The following PELI1 variants were observed in gnomAD, a reference collection of about 807,000 sequenced individuals.
PELI1 encodes pellino E3 ubiquitin protein ligase 1.
PELI1 carries 15 observed loss-of-function variants against 41.3 expected under a neutral mutation model. The ratio of observed to expected loss-of-function variants is 0.36; its 90% CI spans 0.24 to 0.56. The LOEUF (loss-of-function observed/expected upper bound fraction) is 0.56. PELI1 is among the 20% of genes least tolerant of loss of function. PELI1 has a pLI of 0.82. For synonymous variants in PELI1, 178 were observed against 180.1 expected (o/e 0.99, Z 0.09); for missense variants, 403 against 525.5 (o/e 0.77, Z 2.28).
Position 64,104,666 on chromosome 2 carries a change from A to G in PELI1, c.201+35T>C, listed in dbSNP as rs756895534. The G allele has an allele frequency of 2.6e-6, 4 of 1,539,746 alleles. 1 individual carries two copies. In the South Asian group the frequency reaches 3.8e-5, roughly 15 times the overall value. ...ACATAAAAGTCTTTCAAATTCTCCA[A>G]GTTAATTTATGTAGCTTTTTTTTTT... On this transcript the variant is annotated intron_variant, in intron 3 of 6. Coordinates refer to ENST00000358912, the MANE Select transcript of PELI1 (RefSeq NM_020651.4).
chr2:64,118,303 C>G (rs1022790144), intron 1 of PELI1, among the ~76,000 whole-genome samples: 3 of 152,122 alleles, frequency 2.0e-5, no homozygotes, highest in Non-Finnish European at 4.4e-5. Context: ...GAACAACTTT[C>G]TCCCCAAAAT....
In PELI1 at chr2:64,094,804, A is replaced by G. The variant is rs1284366737; in HGVS notation, c.1155T>C (p.Pro385=). 1 of 1,614,188 alleles carries G rather than the reference A, an allele frequency of 6.2e-7. No individual in the cohort carries two copies. ...TTAYWSQIPL[P]HGTHTFHAAC... ...CTGCATGAAAAGTATGAGTACCATG[A>G]GGAAGTGGGATCTGGGACCAATAGG... is the stretch of plus-strand genomic sequence containing the variant. The change falls in exon 7 of 7, where the codon CCT becomes CCC. Residue 385 remains proline, a synonymous_variant. Transcript: ENST00000358912.
intron 1 of PELI1, among the ~76,000 whole-genome samples, chr2:64,117,701 T>C (rs1421611240): frequency 7.2e-5 from 11 of 152,338 alleles, no homozygotes; most frequent in Non-Finnish European, 2.9e-5. Flanking sequence ...ATTACTACTC[T>C]AATGAAAAAA....
At chr2:64,127,103 A>T (rs1056311097) in intron 1 of PELI1, among the ~76,000 whole-genome samples, 1 of 152,236 alleles carries the variant, frequency 6.6e-6, no homozygotes, top group African/African-American at 2.4e-5. Flanking sequence ...GACTACCAAG[A>T]CCAAAGAAAA....
Position 64,094,475 on chromosome 2 carries a change from T to C in PELI1, c.*227A>G. The C allele has an allele frequency of 2.2e-6, 1 of 447,174 alleles. No homozygotes were observed. The highest frequency in any genetic ancestry group is 4.0e-6 in the Non-Finnish European group (1 of 253,144). 27.7% of individuals were successfully genotyped at this position (447,174 alleles called of 1,614,324 possible). A position where few individuals can be genotyped will look rare whatever the true frequency, so the allele number is the denominator to read the frequency against. On this transcript the variant is annotated 3_prime_UTR_variant, in exon 7 of 7. Coordinates refer to ENST00000358912, the MANE Select transcript of PELI1 (RefSeq NM_020651.4). Reference sequence around the variant, plus strand: ...TATGTCTTTTTCTCCTCAAAATATATTTTCAAAACTCAGAATTCAGAAGAC... The same window carrying C: ...TATGTCTTTTTCTCCTCAAAATATACTTTCAAAACTCAGAATTCAGAAGAC...
chr2:64,104,550 A>G, intron 3 of PELI1, 151 bp downstream of exon 3: 1 of 1,244,064 alleles, frequency 8.0e-7, no homozygotes, highest in Non-Finnish European at 1.0e-6. Flanking sequence ...AGCTCTTCAA[A>G]TACCATGTCT....
intron 1 of PELI1, chr2:64,143,651 C>G (rs190310656): frequency 6.6e-6 from 1 of 152,218 alleles, no homozygotes; most frequent in Admixed American, 6.5e-5. Flanking sequence ...GAATGACTAA[C>G]TTGAAGTCTG....
intron 1 of PELI1, among the ~76,000 whole-genome samples, chr2:64,125,509 T>C (rs1388445199): frequency 6.6e-6 from 1 of 152,196 alleles, no homozygotes; most frequent in Non-Finnish European, 1.5e-5. Flanking sequence ...TATAATCCCA[T>C]GACCAATAAG....
At chr2:64,124,116 T>G (rs1227875245) in intron 1 of PELI1, among the ~76,000 whole-genome samples, 2 of 152,048 alleles carry the variant, frequency 1.3e-5, no homozygotes, top group Non-Finnish European at 2.9e-5. Flanking sequence ...GAAAGTAGAT[T>G]AGTGGTTGCC....
At chr2:64,111,781 T>C (rs1558478070) in intron 1 of PELI1, among the ~76,000 whole-genome samples, 3 of 152,180 alleles carry the variant, frequency 2.0e-5, no homozygotes, top group Non-Finnish European at 2.9e-5. Flanking sequence ...AATCATACTT[T>C]AGTATATAAA....
At chr2:64,124,371 C>T (rs930218200) in intron 1 of PELI1, among the ~76,000 whole-genome samples, 1 of 152,122 alleles carries the variant, frequency 6.6e-6, no homozygotes, top group Admixed American at 6.5e-5. Context: ...AAACAAAAGC[C>T]TGCTATAGAC....
At chr2:64,143,858 C>T (rs1022229278) in intron 1 of PELI1, among the ~76,000 whole-genome samples, 10 of 151,844 alleles carry the variant, frequency 6.6e-5, no homozygotes, top group African/African-American at 2.4e-4. Flanking sequence ...GAGGGGGAGG[C>T]CGCGTAGGGC....
At chr2:64,142,028 C>A (rs1413554721) in intron 1 of PELI1, among the ~76,000 whole-genome samples, 1 of 152,188 alleles carries the variant, frequency 6.6e-6, no homozygotes, top group Non-Finnish European at 1.5e-5. Flanking sequence ...CCTCCCCCTA[C>A]AAATTCCACT....
In PELI1 at chr2:64,092,785, T is replaced by G. The variant is rs1039359315; in HGVS notation, c.*1917A>C. On this transcript the variant is annotated 3_prime_UTR_variant, in exon 7 of 7. Coordinates refer to ENST00000358912, the MANE Select transcript of PELI1 (RefSeq NM_020651.4). ...AGTATTTTTGGAGTGTGGAATAGAG[T>G]TGTTCACAGTTTTCACTTCTGGTTT... is the stretch of plus-strand genomic sequence containing the variant. The G allele has an allele frequency of 2.0e-5, 3 of 150,526 alleles. No homozygotes were observed. Among genetic ancestry groups the G allele is most frequent in the African/African-American group, 7.5e-5 (3 of 40,102 alleles). 9.3% of individuals were successfully genotyped at this position (150,526 alleles called of 1,614,324 possible). A position where few individuals can be genotyped will look rare whatever the true frequency, so the allele number is the denominator to read the frequency against.
chr2:64,126,258 G>T (rs1484294792), intron 1 of PELI1, among the ~76,000 whole-genome samples: 1 of 152,108 alleles, frequency 6.6e-6, no homozygotes, highest in African/African-American at 2.4e-5. Flanking sequence ...CTGCCTCCCG[G>T]GTTCAACCGA....
chr2:64,136,217 A>C (rs913242945), intron 1 of PELI1, among the ~76,000 whole-genome samples: 1 of 152,208 alleles, frequency 6.6e-6, no homozygotes, highest in Non-Finnish European at 1.5e-5. Context: ...GATGAATCAA[A>C]GGTTTTAAAA....
chr2:64,103,534 C>T (rs1680516953), intron 3 of PELI1, among the ~76,000 whole-genome samples: 1 of 152,152 alleles, frequency 6.6e-6, no homozygotes, highest in Non-Finnish European at 1.5e-5. Flanking sequence ...TTCAATCAAT[C>T]TGAGGTTTAC....
chr2:64,110,503 A>T (rs1030077452), intron 1 of PELI1, among the ~76,000 whole-genome samples: 3 of 152,200 alleles, frequency 2.0e-5, no homozygotes, highest in Non-Finnish European at 4.4e-5. Context: ...GAAATTAACT[A>T]AACAGAAAAT....
intron 1 of PELI1, among the ~76,000 whole-genome samples, chr2:64,136,611 A>G (rs1172866259): frequency 1.3e-5 from 2 of 152,220 alleles, no homozygotes; most frequent in African/African-American, 4.8e-5. Context: ...TGATTGGTTA[A>G]AAATACAAAT....
Sources: allele counts gnomAD v4.1 joint callset (sites outside exome capture counted in the v4.1 genomes callset), GRCh38; gene constraint gnomAD v4.1.1; transcripts MANE v1.5; gene names NCBI Gene and HGNC (gene_info 2026-07-23, HGNC 2026-07-21).